The following GALNT5 variants were observed in gnomAD, a reference collection of about 807,000 sequenced individuals.
GALNT5 encodes the protein polypeptide N-acetylgalactosaminyltransferase 5, also known as UDP-GalNAc:polypeptide N-acetylgalactosaminyltransferase 5.
Under a neutral mutation model 85.4 loss-of-function variants are expected in GALNT5, and 72 were observed. That is an observed-to-expected ratio of 0.84 (90% CI 0.70 to 1.03). The LOEUF (loss-of-function observed/expected upper bound fraction) is 1.03, where lower values mean the gene tolerates loss of function less well. GALNT5 is among the 50% of genes least tolerant of loss of function. The probability of loss-of-function intolerance (pLI) is 0.00; values close to 1 mark genes in which losing one functional copy is unlikely to be tolerated. For synonymous variants in GALNT5, 404 were observed against 397.0 expected, an observed-to-expected ratio of 1.02 and a Z score of -0.21; for missense variants, 1,137 against 1,135.5, an observed-to-expected ratio of 1.00 and a Z score of -0.02.
At chr2:157,262,980 A>C (rs1291614522) in intron 1 of GALNT5, among the ~76,000 whole-genome samples, 1 of 151,162 alleles carries the variant, frequency 6.6e-6, no homozygotes, top group Non-Finnish European at 1.5e-5. Context: ...GGCACCCGCC[A>C]CCATGCCCAG....
intron 4 of GALNT5, among the ~76,000 whole-genome samples, 171 bp downstream of exon 4, chr2:157,295,969 C>T (rs1318998218): frequency 2.0e-5 from 3 of 152,130 alleles, no homozygotes; most frequent in Non-Finnish European, 4.4e-5. Flanking sequence ...TCAGAGTCTG[C>T]TGATGCAATA....
At chr2:157,286,254 C>A in intron 3 of GALNT5, 120 bp downstream of exon 3, 2 of 740,918 alleles carry the variant, frequency 2.7e-6, no homozygotes, top group Non-Finnish European at 2.2e-6. Context: ...CACTTAGTTC[C>A]ATCAATTTTA....
In GALNT5 at chr2:157,308,648, G is replaced by C. The variant is rs200855507; in HGVS notation, c.2602G>C (p.Val868Leu). The change falls in exon 9 of 10, where the codon GTA (valine) becomes CTA (leucine). Residue 868 changes from valine to leucine, a missense_variant. Val to Leu is a conservative substitution (Grantham distance 32). Transcript: ENST00000259056. The stretch of plus-strand genomic sequence containing the variant: ...AGCCCCCATCCCTGATAAAGGAGCC[G>C]TAAGGCTGCACCCTTGTGATAACAG... Reference protein sequence around the residue: ...CIAPIPDKGAVRLHPCDNRNK... With the variant: ...CIAPIPDKGALRLHPCDNRNK... The C allele has an allele frequency of 6.2e-6, 10 of 1,613,392 alleles. No homozygotes were observed. Among genetic ancestry groups the C allele is most frequent in the African/African-American group, 2.7e-5 (2 of 74,908 alleles).
intron 1 of GALNT5, among the ~76,000 whole-genome samples, chr2:157,271,205 T>C (rs1682577136): frequency 6.6e-6 from 1 of 151,816 alleles, no homozygotes; most frequent in Admixed American, 6.6e-5. Context: ...TGCGAAGACA[T>C]GGGAAGGGTA....
chr2:157,266,168 G>A (rs1366092722), intron 1 of GALNT5, among the ~76,000 whole-genome samples: 4 of 152,186 alleles, frequency 2.6e-5, no homozygotes, highest in South Asian at 2.1e-4. Flanking sequence ...GGCAGTTGAG[G>A]CCTTTCATCC....
At chr2:157,289,330 CA>C in intron 3 of GALNT5, among the ~76,000 whole-genome samples, 1 of 152,270 alleles carries the variant, frequency 6.6e-6, no homozygotes, top group East Asian at 1.9e-4. Flanking sequence ...AATTCAGATT[CA>C]TTAACAGCCT....
intron 1 of GALNT5, among the ~76,000 whole-genome samples, chr2:157,281,726 A>C (rs1208216042): frequency 1.3e-5 from 2 of 152,214 alleles, no homozygotes; most frequent in African/African-American, 4.8e-5. Context: ...GCAGGCTTAG[A>C]AGGAAATATA....
At chr2:157,274,174 G>A (rs769477235) in intron 1 of GALNT5, among the ~76,000 whole-genome samples, 4 of 152,140 alleles carry the variant, frequency 2.6e-5, no homozygotes, top group Admixed American at 6.5e-5. Context: ...GGGCTGCATA[G>A]TATTCCATGG....
Position 157,300,956 on chromosome 2 carries a change from T to A in GALNT5, c.2396T>A (p.Val799Asp). 1 of 1,614,114 alleles carries A rather than the reference T, an allele frequency of 6.2e-7. No individual in the cohort carries two copies. Among genetic ancestry groups the A allele is most frequent in the Non-Finnish European group, 8.5e-7 (1 of 1,179,980 alleles). ...AGTTTCAAATGGTACTTGGAGAATG[T>A]CTTTCCTGACTTAAGGGCTCCCATT... The part of the protein sequence containing the change: ...CKSFKWYLEN[V>D]FPDLRAPIVR... The change falls in exon 7 of 10, where the codon GTC becomes GAC. Residue 799 changes from valine to aspartate, a missense_variant. Val to Asp is a radical substitution (Grantham distance 152, BLOSUM62 -3). Coordinates refer to ENST00000259056, the MANE Select transcript of GALNT5 (RefSeq NM_014568.3).
intron 1 of GALNT5, among the ~76,000 whole-genome samples, chr2:157,261,001 T>C (rs1272104834): frequency 2.0e-5 from 3 of 152,216 alleles, no homozygotes; most frequent in Non-Finnish European, 2.9e-5. Flanking sequence ...TTAAAATTCA[T>C]GCTCAAAATT....
At chr2:157,265,093 CT>C (rs994806455) in intron 1 of GALNT5, among the ~76,000 whole-genome samples, 2 of 152,034 alleles carry the variant, frequency 1.3e-5, no homozygotes, top group African/African-American at 4.8e-5. Flanking sequence ...GCAGTGGTGC[CT>C]TTTGAATAGT....
intron 3 of GALNT5, among the ~76,000 whole-genome samples, chr2:157,291,252 T>TG (rs1683091272): frequency 6.6e-6 from 1 of 152,166 alleles, no homozygotes; most frequent in Non-Finnish European, 1.5e-5. Flanking sequence ...CTTCATGACA[T>TG]GGCATTTGGC....
intron 1 of GALNT5, among the ~76,000 whole-genome samples, chr2:157,282,160 C>G (rs1682869604): frequency 6.6e-6 from 1 of 152,130 alleles, no homozygotes; most frequent in African/African-American, 2.4e-5. Context: ...GATAGTGAAT[C>G]AAAATGTGTT....
At chr2:157,302,996 T>C in intron 7 of GALNT5, among the ~76,000 whole-genome samples, 1 of 152,252 alleles carries the variant, frequency 6.6e-6, no homozygotes, top group East Asian at 1.9e-4. Flanking sequence ...ATCATTATTT[T>C]AGATAGACAA....
chr2:157,273,630 CTTTTTTTTTTTTT>C (rs35430045), intron 1 of GALNT5, among the ~76,000 whole-genome samples: 1 of 23,750 alleles, frequency 4.2e-5, no homozygotes, highest in Non-Finnish European at 7.1e-5. Context: ...ATATTTCTTG[CTTTTTTTTTTTTT>C]TTTTTTTTTT....
chr2:157,286,946 T>C (rs1224231977), intron 3 of GALNT5, among the ~76,000 whole-genome samples: 6 of 148,412 alleles, frequency 4.0e-5, no homozygotes, highest in Non-Finnish European at 8.9e-5. Flanking sequence ...GTATTTTAAG[T>C]TCATGCCATT....
Position 157,259,328 on chromosome 2 carries a change from G to A in GALNT5, c.1246G>A (p.Glu416Lys). Reference protein sequence around the residue: ...NQSHIKALLPEDSGTHQVLRI... With the variant: ...NQSHIKALLPKDSGTHQVLRI... ...GAGTCATATAAAAGCCCTTTTACCT[G>A]AAGACAGTGGAACGCACCAGGTGTT... Residue 416 changes from glutamate to lysine, a missense_variant, in exon 1 of 10, where the codon GAA (glutamate) becomes AAA (lysine). Physicochemically the swap from Glu to Lys is moderately conservative, Grantham distance 56. Transcript: ENST00000259056. The A allele has an allele frequency of 6.4e-7, 1 of 1,572,966 alleles. No homozygotes were observed. Among genetic ancestry groups the A allele is most frequent in the Non-Finnish European group, 8.6e-7 (1 of 1,162,636 alleles).
chr2:157,281,002 C>A (rs924370626), intron 1 of GALNT5, among the ~76,000 whole-genome samples: 5 of 152,134 alleles, frequency 3.3e-5, no homozygotes, highest in Non-Finnish European at 7.4e-5. Context: ...GCCTGCAGAA[C>A]CGTGAGCCAA....
chr2:157,316,631 C>A lies in GALNT5; in HGVS notation c.*5283C>A, dbSNP rs1269434992. 4.6e-5 allele frequency among the ~76,000 whole-genome samples: 7 copies of A among 151,912 alleles called. No individual in the cohort carries two copies. Among genetic ancestry groups the A allele is most frequent in the Admixed American group, 3.9e-4 (6 of 15,256 alleles). On this transcript the variant is annotated 3_prime_UTR_variant, in exon 10 of 10. Transcript: ENST00000259056. ...CCTTACAATTAGAAAAAAAAATTAA[C>A]CAGAGATATTGTACAAAATATTTAT...
Sources: allele counts gnomAD v4.1 joint callset (sites outside exome capture counted in the v4.1 genomes callset), GRCh38; gene constraint gnomAD v4.1.1; transcripts MANE v1.5; gene names NCBI Gene and HGNC (gene_info 2026-07-23, HGNC 2026-07-21).